The following ACSL3 variants were observed in gnomAD, a reference collection of about 807,000 sequenced individuals.
The protein encoded by ACSL3 is acyl-CoA synthetase long chain family member 3, also known as fatty acid CoA ligase Acsl3.
A neutral mutation model predicts 84.7 loss-of-function variants in ACSL3; 34 were observed. The observed-to-expected ratio is 0.40, with a 90% CI of 0.31 to 0.53. The LOEUF is 0.53. Ranked by LOEUF, ACSL3 falls within the 20% of genes least tolerant of loss-of-function variation. ACSL3 has a pLI of 0.48. For missense variants in ACSL3, 680 were observed against 873.1 expected, an observed-to-expected ratio of 0.78 and a Z score of 2.79; for synonymous variants, 315 against 299.4, an observed-to-expected ratio of 1.05 and a Z score of -0.54.
chr2:222,921,155 T>G, intron 7 of ACSL3, 125 bp from the exon 8 acceptor site: 4 of 1,037,944 alleles, frequency 3.9e-6, no homozygotes, highest in Non-Finnish European at 5.9e-6. Context: ...ATAACTAATA[T>G]TTGTTGAATT....
At chr2:222,891,802 A>G (rs1402145190) in intron 2 of ACSL3, among the ~76,000 whole-genome samples, 4 of 152,218 alleles carry the variant, frequency 2.6e-5, no homozygotes, top group Non-Finnish European at 5.9e-5. Flanking sequence ...GTTTATCTTT[A>G]ATGCCAACAT....
Position 222,941,724 on chromosome 2 carries a change from C to T in ACSL3, c.*70C>T, listed in dbSNP as rs1697315604. 6.8e-7 allele frequency: 1 copy of T among 1,477,268 alleles called. No individual in the cohort carries two copies. Among genetic ancestry groups the T allele is most frequent in the East Asian group, 2.4e-5 (1 of 42,114 alleles). The allele number at this position is 1,477,268 out of a possible 1,614,324, so 91.5% of individuals were successfully genotyped here. On this transcript the variant is annotated 3_prime_UTR_variant, in exon 17 of 17. Transcript: ENST00000357430. ...ATAGGAAAATACTTGAAATGCATGT[C>T]TCAAGCTGCAAGGCAAACTCCATTC...
At position 222,919,086 on chromosome 2, in the gene ACSL3, G is replaced by A. The variant is rs748604442; in HGVS notation, c.689G>A (p.Arg230His). ...TAGGATATAGTTTCTTTGGTCCCACGCCTGCGGCACATCATCACTGTTGAT... is the reference window on the plus strand; with the variant it reads ...TAGGATATAGTTTCTTTGGTCCCACACCTGCGGCACATCATCACTGTTGAT... ...KLKDIVSLVP[R>H]LRHIITVDGK... The change falls in exon 7 of 17, where the codon CGC (arginine) becomes CAC (histidine). Residue 230 changes from arginine to histidine, a missense_variant. Coordinates refer to ENST00000357430, the MANE Select transcript of ACSL3 (RefSeq NM_004457.5). 34 of 1,613,666 alleles carry A rather than the reference G, an allele frequency of 2.1e-5. No individual in the cohort carries two copies. The highest frequency in any genetic ancestry group is 2.2e-5 in the South Asian group (2 of 91,068).
chr2:222,904,338 A>G (rs967838321), intron 3 of ACSL3, among the ~76,000 whole-genome samples: 1 of 152,130 alleles, frequency 6.6e-6, no homozygotes, highest in African/African-American at 2.4e-5. Context: ...TGAAGTTTAT[A>G]TGGTCTTAGT....
intron 1 of ACSL3, among the ~76,000 whole-genome samples, chr2:222,874,843 C>T (rs772860245): frequency 4.6e-5 from 7 of 151,534 alleles, no homozygotes; most frequent in Non-Finnish European, 1.0e-4. Flanking sequence ...TACATTGGCT[C>T]ACTACTGTAA....
At chr2:222,870,855 T>C (rs577191911) in intron 1 of ACSL3, among the ~76,000 whole-genome samples, 2 of 152,184 alleles carry the variant, frequency 1.3e-5, no homozygotes, top group South Asian at 4.2e-4. Context: ...TTATTCCTTC[T>C]TTTTTTTCCC....
chr2:222,882,084 T>C (rs1257756022), intron 1 of ACSL3, among the ~76,000 whole-genome samples: 5 of 152,236 alleles, frequency 3.3e-5, no homozygotes. Context: ...TCAGCTCTTG[T>C]AAACTAGGTA....
chr2:222,924,658 T>A, intron 11 of ACSL3, 63 bp downstream of exon 11: 1 of 1,391,852 alleles, frequency 7.2e-7, no homozygotes, highest in Non-Finnish European at 9.8e-7. Flanking sequence ...TAGTTCACAT[T>A]AATAGCCCAA....
intron 16 of ACSL3, among the ~76,000 whole-genome samples, chr2:222,940,775 A>T: frequency 6.6e-6 from 1 of 152,162 alleles, no homozygotes; most frequent in East Asian, 1.9e-4. Flanking sequence ...TTCGTGTAAG[A>T]TATGCTATGA....
At position 222,887,872 on chromosome 2, in the gene ACSL3, C is replaced by T. The variant is rs1359678752; in HGVS notation, c.-164C>T. The T allele has an allele frequency of 6.6e-6, 1 of 152,072 alleles. No homozygotes were observed. The allele number at this position is 152,072 out of a possible 1,614,324, so 9.4% of individuals were successfully genotyped here. On this transcript the variant is annotated 5_prime_UTR_variant, in exon 2 of 17. Transcript: ENST00000357430. Reference sequence around the variant, plus strand: ...CATATCTTCAAAGCACCTAGTACCTCCTACCATTGTCAACTGGTAAAATAT... The same window carrying T: ...CATATCTTCAAAGCACCTAGTACCTTCTACCATTGTCAACTGGTAAAATAT...
rs1486 is a variant in ACSL3, at chr2:222,928,401, T to C, written c.1466-461T>C. Among the ~76,000 whole-genome samples the C allele has an allele frequency of 3.5e-4, 53 of 152,162 alleles. 1 individual carries two copies. The highest frequency in any genetic ancestry group is 2.2e-4 in the Non-Finnish European group (15 of 68,038). On this transcript the variant is annotated intron_variant, in intron 12 of 16. Coordinates refer to ENST00000357430, the MANE Select transcript of ACSL3 (RefSeq NM_004457.5). ...AAAGTAGAATAGACGTAAACCATTG[T>C]TTTCATCATCCTTTAAGACAGGGAT... is the stretch of plus-strand genomic sequence containing the variant.
intron 8 of ACSL3, among the ~76,000 whole-genome samples, chr2:222,921,757 T>C (rs189657446): frequency 6.6e-6 from 1 of 152,334 alleles, no homozygotes; most frequent in East Asian, 1.9e-4. Context: ...TAACTTAATT[T>C]ATCCACTAAG....
intron 6 of ACSL3, among the ~76,000 whole-genome samples, chr2:222,918,707 C>T (rs1696650320): frequency 6.7e-6 from 1 of 149,222 alleles, no homozygotes; most frequent in African/African-American, 2.5e-5. Flanking sequence ...GAATTTTCTC[C>T]TCCTTCCCCC....
At chr2:222,907,791 G>C (rs1388595249) in intron 3 of ACSL3, among the ~76,000 whole-genome samples, 1 of 150,146 alleles carries the variant, frequency 6.7e-6, no homozygotes, top group East Asian at 2.0e-4. Context: ...TTACCCACCT[G>C]CCACACAATG....
chr2:222,922,017 G>A (rs1189246158), intron 8 of ACSL3, among the ~76,000 whole-genome samples: 4 of 152,116 alleles, frequency 2.6e-5, no homozygotes, highest in Non-Finnish European at 2.9e-5. Context: ...ACACACTCAC[G>A]TAATTGCTAT....
In ACSL3 at chr2:222,941,342, T is replaced by C. The variant is rs141592605; in HGVS notation, c.2006-155T>C. 1.1e-4 allele frequency among the ~76,000 whole-genome samples: 16 copies of C among 152,326 alleles called. No individual in the cohort carries two copies. In the East Asian group the frequency reaches 2.5e-3, roughly 24 times the overall value. On this transcript the variant is annotated intron_variant, in intron 16 of 16. Coordinates refer to ENST00000357430, the MANE Select transcript of ACSL3 (RefSeq NM_004457.5). The stretch of plus-strand genomic sequence containing the variant: ...GTTAAATAGTTTATTGTTTTACTTA[T>C]GTTTGTATTTTGAGGAATAGATTCT...
intron 1 of ACSL3, among the ~76,000 whole-genome samples, chr2:222,874,006 A>T (rs1478138266): frequency 6.6e-6 from 1 of 152,062 alleles, no homozygotes; most frequent in Non-Finnish European, 1.5e-5. Context: ...TTGCACCTGT[A>T]CTTGGATTTA....
At chr2:222,941,237 G>A (rs1364011547) in intron 16 of ACSL3, among the ~76,000 whole-genome samples, 3 of 151,950 alleles carry the variant, frequency 2.0e-5, no homozygotes, top group African/African-American at 7.3e-5. Flanking sequence ...GCTCTAACTC[G>A]TTTTCAATGA....
chr2:222,864,357 G>C lies in ACSL3; in HGVS notation c.-207+3099G>C, dbSNP rs1006034972. Among the ~76,000 whole-genome samples the C allele has an allele frequency of 2.6e-5, 4 of 152,272 alleles. No individual in the cohort carries two copies. In the East Asian group the frequency reaches 7.7e-4, roughly 29 times the overall value. On this transcript the variant is annotated intron_variant, in intron 1 of 16. Coordinates refer to ENST00000357430, the MANE Select transcript of ACSL3 (RefSeq NM_004457.5). The stretch of plus-strand genomic sequence containing the variant: ...TGTAGAGGCAAGAGCTCAAACCATG[G>C]GTATGGGTGAGATTGCCTGTGGGGA...
Sources: allele counts gnomAD v4.1 joint callset (sites outside exome capture counted in the v4.1 genomes callset), GRCh38; gene constraint gnomAD v4.1.1; transcripts MANE v1.5; gene names NCBI Gene and HGNC (gene_info 2026-07-23, HGNC 2026-07-21).